Variants in KCNJ3 observed in about 807,000 individuals in gnomAD.
The protein encoded by KCNJ3 is G protein-activated inward rectifier potassium channel 1.
A neutral mutation model predicts 39.2 loss-of-function variants in KCNJ3; 4 were observed. The observed-to-expected ratio is 0.10, with a 90% confidence interval of 0.05 to 0.23. The LOEUF is 0.23. KCNJ3 is among the 10% of genes least tolerant of loss of function. The probability of loss-of-function intolerance (pLI) is 1.00; values close to 1 mark genes in which losing one functional copy is unlikely to be tolerated. For missense variants in KCNJ3, 276 were observed against 634.9 expected (o/e 0.43, Z 6.08); for synonymous variants, 230 against 237.4 (o/e 0.97, Z 0.29).
In KCNJ3 at chr2:154,855,867, T is replaced by C. The variant is rs1687830180; in HGVS notation, c.*554T>C. 2 of 151,440 alleles carry C rather than the reference T, an allele frequency of 1.3e-5. 1 individual carries two copies. The highest frequency in any genetic ancestry group is 4.2e-4 in the South Asian group (2 of 4,786). The allele number at this position is 151,440 out of a possible 1,614,324, so 9.4% of individuals were successfully genotyped here. A position where few individuals can be genotyped will look rare whatever the true frequency, so the allele number is the denominator to read the frequency against. On this transcript the variant is annotated 3_prime_UTR_variant, in exon 3 of 3. Coordinates refer to ENST00000295101, the MANE Select transcript of KCNJ3 (RefSeq NM_002239.4). ...TTGTAGTTCTTGTGCATGTTTACTT[T>C]ATTAGAGTAGGAAGGCTACTGGCAT...
intron 2 of KCNJ3, among the ~76,000 whole-genome samples, chr2:154,757,845 T>C (rs189528603): frequency 7.4e-4 from 112 of 152,272 alleles, no homozygotes; most frequent in African/African-American, 2.5e-3. Flanking sequence ...CTGGAACCTC[T>C]TTTATAAGGG....
At chr2:154,718,007 G>T in intron 2 of KCNJ3, among the ~76,000 whole-genome samples, 1 of 152,112 alleles carries the variant, frequency 6.6e-6, no homozygotes, top group East Asian at 1.9e-4. Context: ...ATCTAAGTCA[G>T]GGGTATCATG....
intron 2 of KCNJ3, among the ~76,000 whole-genome samples, chr2:154,735,943 A>G (rs889549391): frequency 1.3e-5 from 2 of 152,048 alleles, no homozygotes; most frequent in Non-Finnish European, 2.9e-5. Context: ...AATTATCTCT[A>G]TTCTTCTTAT....
chr2:154,717,285 A>C (rs953145633), intron 2 of KCNJ3, among the ~76,000 whole-genome samples: 9 of 152,238 alleles, frequency 5.9e-5, no homozygotes, highest in Non-Finnish European at 1.3e-4. Flanking sequence ...GCCTAGAATT[A>C]GCCCTGGATA....
chr2:154,807,515 A>T (rs1394105967), intron 2 of KCNJ3, among the ~76,000 whole-genome samples: 2 of 152,194 alleles, frequency 1.3e-5, no homozygotes, highest in Non-Finnish European at 2.9e-5. Flanking sequence ...GGATAACCTG[A>T]GAACAGCAGT....
At chr2:154,779,999 G>A (rs1041708491) in intron 2 of KCNJ3, among the ~76,000 whole-genome samples, 2 of 152,152 alleles carry the variant, frequency 1.3e-5, no homozygotes, top group African/African-American at 4.8e-5. Flanking sequence ...GAGAAGCAAG[G>A]ACATACATTC....
chr2:154,746,358 G>A (rs555614259), intron 2 of KCNJ3, among the ~76,000 whole-genome samples: 60 of 151,820 alleles, frequency 4.0e-4, no homozygotes, highest in Middle Eastern at 3.4e-3. Flanking sequence ...CCCCCACATT[G>A]TTTAAGGGTG....
intron 2 of KCNJ3, among the ~76,000 whole-genome samples, chr2:154,735,262 T>C (rs3111001): frequency 0.46 from 68,228 of 149,740 alleles, 15,937 homozygotes; most frequent in African/African-American, 0.47. Flanking sequence ...ACTTTTTTTT[T>C]TTTCTTTCTT....
At chr2:154,779,070 T>C (rs1276976331) in intron 2 of KCNJ3, among the ~76,000 whole-genome samples, 1 of 152,142 alleles carries the variant, frequency 6.6e-6, no homozygotes, top group Admixed American at 6.6e-5. Context: ...TAGCAGTACT[T>C]ATTCTGAAAT....
intron 1 of KCNJ3, among the ~76,000 whole-genome samples, chr2:154,708,257 CT>C (rs911821010): frequency 1.3e-4 from 20 of 152,162 alleles, no homozygotes; most frequent in African/African-American, 4.6e-4. Flanking sequence ...TGTTGAAACT[CT>C]TTGCAACAAT....
Position 154,765,441 on chromosome 2 carries a change from C to G in KCNJ3, c.919+55622C>G, listed in dbSNP as rs531757938. On this transcript the variant is annotated intron_variant, in intron 2 of 2. Coordinates refer to ENST00000295101, the MANE Select transcript of KCNJ3 (RefSeq NM_002239.4). ...TAATTTCTCTTGCTAGAATGTAAAG[C>G]CCAAAAAGAAGTGACTTGTTCTGCC... Among the ~76,000 whole-genome samples, 5 of 152,178 alleles carry G rather than the reference C, an allele frequency of 3.3e-5. No homozygotes were observed. The South Asian group carries it at 1.0e-3, about 32-fold the overall frequency.
chr2:154,730,615 T>C (rs114848984), intron 2 of KCNJ3, among the ~76,000 whole-genome samples: 2,760 of 152,194 alleles, frequency 0.018, 75 homozygotes, highest in African/African-American at 0.063. Context: ...AAGGCTAAGG[T>C]ATAAGTAAAG....
chr2:154,776,719 G>A (rs1165584926), intron 2 of KCNJ3, among the ~76,000 whole-genome samples: 1 of 151,878 alleles, frequency 6.6e-6, no homozygotes, highest in Non-Finnish European at 1.5e-5. Context: ...GAAAAGATAC[G>A]TAACTGCAAT....
At chr2:154,753,583 G>T (rs1429327269) in intron 2 of KCNJ3, among the ~76,000 whole-genome samples, 2 of 151,934 alleles carry the variant, frequency 1.3e-5, no homozygotes, top group Non-Finnish European at 1.5e-5. Context: ...GAATATTTTG[G>T]TTTCTTATAG....
intron 2 of KCNJ3, among the ~76,000 whole-genome samples, chr2:154,798,692 T>C (rs1298905884): frequency 6.6e-6 from 1 of 152,214 alleles, no homozygotes; most frequent in Non-Finnish European, 1.5e-5. Flanking sequence ...AAAAAGGTAG[T>C]CTGCCCTTCT....
chr2:154,769,505 G>A (rs1017552502), intron 2 of KCNJ3, among the ~76,000 whole-genome samples: 1 of 152,244 alleles, frequency 6.6e-6, no homozygotes, highest in African/African-American at 2.4e-5. Context: ...ATTTGCGTAT[G>A]TTGCACCAGC....
chr2:154,812,634 C>G (rs1687023809), intron 2 of KCNJ3, among the ~76,000 whole-genome samples: 1 of 152,084 alleles, frequency 6.6e-6, no homozygotes, highest in African/African-American at 2.4e-5. Flanking sequence ...GAGTAACCCC[C>G]TTCTTTTAGA....
At chr2:154,801,806 T>C (rs1177983221) in intron 2 of KCNJ3, among the ~76,000 whole-genome samples, 1 of 152,082 alleles carries the variant, frequency 6.6e-6, no homozygotes, top group Non-Finnish European at 1.5e-5. Context: ...TTTGTATTTT[T>C]AGTAGAGACA....
At chr2:154,763,179 T>G (rs1686074713) in intron 2 of KCNJ3, among the ~76,000 whole-genome samples, 1 of 152,230 alleles carries the variant, frequency 6.6e-6, no homozygotes, top group Admixed American at 6.5e-5. Flanking sequence ...AGAGTGCACC[T>G]TTTAAATTTG....
Sources: gnomAD v4.1 joint callset for allele counts (sites outside exome capture counted in the v4.1 genomes callset) on GRCh38, gnomAD v4.1.1 for gene constraint, MANE v1.5 for transcripts, NCBI Gene and HGNC (gene_info 2026-07-23, HGNC 2026-07-21) for gene names.